Variants in GPC5 observed in about 807,000 individuals in gnomAD.
The protein encoded by GPC5 is glypican-5.
In GPC5, 47 loss-of-function variants were observed where a neutral mutation model predicts 53.9. That is an observed-to-expected ratio of 0.87 (90% CI 0.69 to 1.11). The LOEUF (loss-of-function observed/expected upper bound fraction) is 1.11. Ranked by LOEUF, GPC5 falls within the 50% of genes most tolerant of loss-of-function variation. The pLI is 0.00. For missense variants in GPC5, 748 were observed against 713.1 expected (o/e 1.05, Z -0.56); for synonymous variants, 286 against 263.3 (o/e 1.09, Z -0.84).
intron 6 of GPC5, among the ~76,000 whole-genome samples, chr13:91,921,786 A>G (rs927022674): frequency 4.5e-5 from 4 of 88,454 alleles, no homozygotes; most frequent in African/African-American, 1.7e-4. Flanking sequence ...TTTAAAAAAA[A>G]AAAAGAAAGA....
intron 4 of GPC5, among the ~76,000 whole-genome samples, chr13:91,732,615 G>T (rs1566645880): frequency 6.6e-6 from 1 of 151,974 alleles, no homozygotes; most frequent in Non-Finnish European, 1.5e-5. Flanking sequence ...TGTCCTGAAT[G>T]GTATTGCCTA....
chr13:91,543,631 T>G (rs2030101951), intron 2 of GPC5, among the ~76,000 whole-genome samples: 1 of 152,180 alleles, frequency 6.6e-6, no homozygotes, highest in African/African-American at 2.4e-5. Flanking sequence ...TTCTGTGCAT[T>G]GATAAAGATG....
chr13:92,658,355 T>C (rs1886208575), intron 7 of GPC5, among the ~76,000 whole-genome samples: 3 of 152,214 alleles, frequency 2.0e-5, no homozygotes, highest in Admixed American at 2.0e-4. Flanking sequence ...CTCAATCTTA[T>C]ACAGAGCATT....
chr13:91,508,511 A>C (rs1885069214), intron 2 of GPC5, among the ~76,000 whole-genome samples: 1 of 152,300 alleles, frequency 6.6e-6, no homozygotes, highest in East Asian at 1.9e-4. Context: ...TGGTACACTG[A>C]CAGGCAAAAT....
chr13:91,708,279 T>G (rs111860399), intron 3 of GPC5, among the ~76,000 whole-genome samples: 11 of 146,922 alleles, frequency 7.5e-5, no homozygotes, highest in East Asian at 1.9e-4. Context: ...TTTTGTTTTT[T>G]TTTTGTTTTT....
At chr13:92,501,403 A>C (rs1041751195) in intron 7 of GPC5, among the ~76,000 whole-genome samples, 5 of 152,190 alleles carry the variant, frequency 3.3e-5, no homozygotes, top group African/African-American at 1.2e-4. Context: ...AAGATTAACA[A>C]TAGAACCAAA....
intron 6 of GPC5, among the ~76,000 whole-genome samples, chr13:92,100,533 A>G (rs1220611879): frequency 6.6e-6 from 1 of 152,192 alleles, no homozygotes; most frequent in Non-Finnish European, 1.5e-5. Context: ...TAAAACTACA[A>G]TACTTATGTA....
chr13:91,941,708 G>A (rs2039928869), intron 6 of GPC5, among the ~76,000 whole-genome samples: 1 of 152,086 alleles, frequency 6.6e-6, no homozygotes, highest in Non-Finnish European at 1.5e-5. Flanking sequence ...CTCAAAGTGG[G>A]CACTTCATGT....
intron 2 of GPC5, among the ~76,000 whole-genome samples, chr13:91,670,652 T>C (rs1281903381): frequency 6.6e-6 from 1 of 152,178 alleles, no homozygotes; most frequent in African/African-American, 2.4e-5. Context: ...CCTCCTCTGA[T>C]CTGCTTCAGT....
intron 5 of GPC5, among the ~76,000 whole-genome samples, chr13:91,795,715 C>A (rs1399556616): frequency 6.6e-6 from 1 of 152,096 alleles, no homozygotes; most frequent in Non-Finnish European, 1.5e-5. Context: ...GCTAACCCTG[C>A]CCTTCCCTCC....
rs553639674 is a variant in GPC5 at position 91,920,870 on chromosome 13, G to T, written c.1401+12813G>T. ...GGTAGATTCAATAGATTTCAGGGGA[G>T]GATATGCAACTTGTACCACTTTATC... On this transcript the variant is annotated intron_variant, in intron 6 of 7. Transcript: ENST00000377067. Among the ~76,000 whole-genome samples the T allele has an allele frequency of 1.0e-4, 15 of 149,864 alleles. No homozygotes were observed. In the South Asian group the frequency reaches 3.0e-3, roughly 30 times the overall value.
At chr13:92,807,192 CATT>C (rs764766590) in intron 7 of GPC5, among the ~76,000 whole-genome samples, 21 of 152,178 alleles carry the variant, frequency 1.4e-4, no homozygotes, top group Non-Finnish European at 2.4e-4. Flanking sequence ...ACAATATCAT[CATT>C]GTTTAACTTT....
intron 7 of GPC5, among the ~76,000 whole-genome samples, chr13:92,483,258 G>A (rs1879423549): frequency 6.6e-6 from 1 of 152,150 alleles, no homozygotes; most frequent in Non-Finnish European, 1.5e-5. Flanking sequence ...TGAACATCAT[G>A]AGCATACTTA....
intron 7 of GPC5, among the ~76,000 whole-genome samples, chr13:92,776,179 G>A (rs544371867): frequency 2.0e-5 from 3 of 152,288 alleles, no homozygotes; most frequent in East Asian, 3.9e-4. Flanking sequence ...GTTTGTAGAG[G>A]TCACTTGCAT....
chr13:91,733,661 T>G (rs1452868803), intron 4 of GPC5, among the ~76,000 whole-genome samples: 1 of 152,198 alleles, frequency 6.6e-6, no homozygotes, highest in Non-Finnish European at 1.5e-5. Flanking sequence ...ATGCTTGTGA[T>G]TTTTGCACAA....
chr13:91,422,644 A>AG (rs1231007002), intron 1 of GPC5, among the ~76,000 whole-genome samples: 1 of 94,682 alleles, frequency 1.1e-5, no homozygotes, highest in Non-Finnish European at 2.4e-5. Flanking sequence ...AAAAGAAAAA[A>AG]GAAAAAAAAA....
At chr13:92,796,944 T>C (rs1042392605) in intron 7 of GPC5, among the ~76,000 whole-genome samples, 1 of 151,972 alleles carries the variant, frequency 6.6e-6, no homozygotes, top group African/African-American at 2.4e-5. Flanking sequence ...CTTTACATAA[T>C]TTTGTTTAAT....
intron 7 of GPC5, chr13:92,709,549 C>A (rs187998332): frequency 5.9e-5 from 9 of 152,274 alleles, no homozygotes; most frequent in African/African-American, 2.2e-4. Context: ...CTTCTCATTA[C>A]TCCTGTGTCT....
chr13:91,968,596 G>T, intron 6 of GPC5, among the ~76,000 whole-genome samples: 1 of 151,912 alleles, frequency 6.6e-6, no homozygotes, highest in Non-Finnish European at 1.5e-5. Flanking sequence ...CAAGTATCTG[G>T]GACTACAGGC....
Sources: allele counts gnomAD v4.1 joint callset (sites outside exome capture counted in the v4.1 genomes callset), GRCh38; gene constraint gnomAD v4.1.1; transcripts MANE v1.5; gene names NCBI Gene and HGNC (gene_info 2026-07-23, HGNC 2026-07-21).